Variants in TTLL9 observed in about 807,000 individuals in gnomAD.
TTLL9 encodes probable tubulin polyglutamylase TTLL9.
TTLL9 carries 47 observed loss-of-function variants against 65.6 expected under a neutral mutation model. That is an observed-to-expected ratio of 0.72 (90% CI 0.57 to 0.91). The LOEUF (loss-of-function observed/expected upper bound fraction) is 0.91. Among genes scored for constraint, TTLL9 ranks in the 40% least tolerant of loss-of-function variants. The pLI is 0.00. For synonymous variants in TTLL9, 179 were observed against 204.8 expected (o/e 0.87, Z 1.07); for missense variants, 537 against 568.8 (o/e 0.94, Z 0.57).
At chr20:31,893,048 T>C (rs894082071) in intron 3 of TTLL9, among the ~76,000 whole-genome samples, 9 of 152,214 alleles carry the variant, frequency 5.9e-5, no homozygotes, top group Non-Finnish European at 2.9e-5. Flanking sequence ...TTCCATCTGG[T>C]ATAATTTTCC....
At position 31,913,597 on chromosome 20, in the gene TTLL9, C is replaced by T. The variant is rs1469461836; in HGVS notation, c.504+3675C>T. On this transcript the variant is annotated intron_variant, in intron 6 of 14. Coordinates refer to ENST00000535842, the MANE Select transcript of TTLL9 (RefSeq NM_001008409.5). ...TCTGCATTGTTTTCCTGGTGTCTGCCGAGCCTTCATCTTCCTCATCAGTGG... is the reference window on the plus strand; with the variant it reads ...TCTGCATTGTTTTCCTGGTGTCTGCTGAGCCTTCATCTTCCTCATCAGTGG... 3.3e-5 allele frequency among the ~76,000 whole-genome samples: 5 copies of T among 152,116 alleles called. No individual in the cohort carries two copies. The East Asian group carries it at 5.8e-4, about 18-fold the overall frequency.
At chr20:31,879,997 G>C in intron 2 of TTLL9, 1 of 666,130 alleles carries the variant, frequency 1.5e-6, no homozygotes, top group East Asian at 3.3e-5. Context: ...GTTCCTCGCG[G>C]AATGGGTAGG....
At chr20:31,890,164 T>C (rs1226994320) in intron 3 of TTLL9, among the ~76,000 whole-genome samples, 1 of 120,338 alleles carries the variant, frequency 8.3e-6, no homozygotes, top group Admixed American at 9.4e-5. Context: ...CTTCTTTCTT[T>C]CTTTCTTTCT....
chr20:31,904,623 G>T (rs183543660), intron 4 of TTLL9, among the ~76,000 whole-genome samples: 6 of 152,054 alleles, frequency 3.9e-5, no homozygotes, highest in Non-Finnish European at 8.8e-5. Context: ...CTCCCAATGT[G>T]CTGGGATTAC....
rs550977346 is a variant in TTLL9 at position 31,925,131 on chromosome 20, G to T, written c.705+82G>T. 2.0e-4 allele frequency: 291 copies of T among 1,444,872 alleles called. 4 individuals are homozygous for T. The South Asian group carries it at 3.3e-3, about 16-fold the overall frequency. The allele number at this position is 1,444,872 out of a possible 1,614,324, so 89.5% of individuals were successfully genotyped here. A position where few individuals can be genotyped will look rare whatever the true frequency, so the allele number is the denominator to read the frequency against. ...GGGAGATGGGGGGAAGAGGCCTGGG[G>T]GTACCTTGTGTGAGCTTGTCTGGTT... On this transcript the variant is annotated intron_variant, in intron 9 of 14. Coordinates refer to ENST00000535842, the MANE Select transcript of TTLL9 (RefSeq NM_001008409.5).
At chr20:31,886,991 G>A (rs2063199101) in intron 2 of TTLL9, among the ~76,000 whole-genome samples, 1 of 152,218 alleles carries the variant, frequency 6.6e-6, no homozygotes, top group Non-Finnish European at 1.5e-5. Context: ...ATACTTGGGA[G>A]TTCATTCACA....
intron 14 of TTLL9, among the ~76,000 whole-genome samples, chr20:31,941,871 T>G (rs1254617045): frequency 2.0e-5 from 3 of 152,204 alleles, no homozygotes; most frequent in Non-Finnish European, 4.4e-5. Flanking sequence ...CAAGGGTAGC[T>G]GGTTAGGGTA....
intron 3 of TTLL9, among the ~76,000 whole-genome samples, chr20:31,890,094 T>C (rs1417444078): frequency 3.5e-4 from 37 of 104,568 alleles, no homozygotes; most frequent in East Asian, 1.5e-3. Context: ...CTTGCTTTCT[T>C]TCCCTCCCTT....
intron 4 of TTLL9, among the ~76,000 whole-genome samples, chr20:31,901,878 T>C (rs141838912): frequency 1.1e-3 from 165 of 152,294 alleles, no homozygotes; most frequent in African/African-American, 3.4e-3. Context: ...GTTGTTTCCT[T>C]GTTTATTGTT....
In TTLL9 at chr20:31,939,191, G is replaced by A. The variant is rs200854952; in HGVS notation, c.1168G>A (p.Asp390Asn). The change falls in exon 14 of 15, where the codon GAT (aspartate) becomes AAT (asparagine). Residue 390 changes from aspartate (D) to asparagine (N), a missense_variant. Physicochemically the swap from Asp to Asn is conservative, Grantham distance 23. Around this residue, in one of 3 missense-constraint regions of TTLL9, gnomAD observed 205 missense variants for 225.9 expected, o/e 0.91. Transcript: ENST00000535842. ...RVGGFDLMWN[D>N]GPVSREEGAP... ...CGGGGGCTTTGACCTCATGTGGAAT[G>A]ATGGCCCTGTTAGCAGAGAGGAGGG... 111 of 1,612,004 alleles carry A rather than the reference G, an allele frequency of 6.9e-5. 1 individual carries two copies. In the African/African-American group the frequency reaches 1.4e-3, roughly 20 times the overall value.
Position 31,922,986 on chromosome 20 carries a change from G to C in TTLL9, c.597G>C (p.Gln199His). ...AGGACACAAGAAGCTCTGACGACCA[G>C]AAAGATGATATTCCCGTGGAGAACT... The part of the protein sequence containing the change: ...WRKDTRSSDD[Q>H]KDDIPVENYV... Residue 199 changes from glutamine to histidine, a missense_variant, in exon 8 of 15, where the codon CAG becomes CAC. Gln to His is a conservative substitution (Grantham distance 24, BLOSUM62 0). Coordinates refer to ENST00000535842, the MANE Select transcript of TTLL9 (RefSeq NM_001008409.5). 6.2e-7 allele frequency: 1 copy of C among 1,614,022 alleles called. No individual in the cohort carries two copies. Among genetic ancestry groups the C allele is most frequent in the Non-Finnish European group, 8.5e-7 (1 of 1,179,898 alleles).
At position 31,905,603 on chromosome 20, in the gene TTLL9, C is replaced by G. The variant is rs2063543931; in HGVS notation, c.207-2988C>G. On this transcript the variant is annotated intron_variant, in intron 4 of 14. Coordinates refer to ENST00000535842, the MANE Select transcript of TTLL9 (RefSeq NM_001008409.5). ...TGTGCACGGTGTGTGCACAGATGTCCATCTCTGGACATCTCTGAGCTCAGT... is the reference window on the plus strand; with the variant it reads ...TGTGCACGGTGTGTGCACAGATGTCGATCTCTGGACATCTCTGAGCTCAGT... Among the ~76,000 whole-genome samples the G allele has an allele frequency of 3.3e-5, 5 of 152,276 alleles. No homozygotes were observed. In the South Asian group the frequency reaches 1.0e-3, roughly 32 times the overall value.
intron 6 of TTLL9, among the ~76,000 whole-genome samples, chr20:31,910,652 TACCTATC>T (rs2063632803): frequency 6.6e-6 from 1 of 152,184 alleles, no homozygotes; most frequent in Non-Finnish European, 1.5e-5. Context: ...ATTGTTATAA[TACCTATC>T]ACCTAGTGTT....
chr20:31,871,327 AC>A (rs1163431200), intron 2 of TTLL9, 132 bp downstream of exon 2: 1 of 889,696 alleles, frequency 1.1e-6, no homozygotes, highest in East Asian at 2.5e-5. Flanking sequence ...TTCACCTCTG[AC>A]CTGCTAGATG....
intron 2 of TTLL9, chr20:31,884,077 C>A: frequency 1.8e-6 from 1 of 554,516 alleles, no homozygotes; most frequent in South Asian, 2.9e-5. Flanking sequence ...CAGAACTAAT[C>A]ATTCAGCAAG....
intron 2 of TTLL9, among the ~76,000 whole-genome samples, chr20:31,873,732 A>C (rs1189794141): frequency 7.6e-6 from 1 of 131,222 alleles, no homozygotes; most frequent in Non-Finnish European, 1.7e-5. Flanking sequence ...GAAAGAAAGA[A>C]AGAAAAAGGA....
chr20:31,934,377 C>T (rs1385195521), intron 11 of TTLL9: 6 of 551,216 alleles, frequency 1.1e-5, no homozygotes, highest in Admixed American at 6.6e-5. Context: ...GGCAGCCTGT[C>T]GGTCACTCCT....
chr20:31,917,045 T>C (rs2063745727), intron 6 of TTLL9, among the ~76,000 whole-genome samples: 1 of 152,180 alleles, frequency 6.6e-6, no homozygotes, highest in Admixed American at 6.5e-5. Flanking sequence ...GGATAGGGGT[T>C]CCTAGACCAA....
At chr20:31,939,090 G>A in intron 13 of TTLL9, 52 bp from the exon 14 acceptor site, 2 of 1,512,258 alleles carry the variant, frequency 1.3e-6, no homozygotes, top group South Asian at 1.3e-5. Flanking sequence ...TTGGGTCTTA[G>A]GGCTCTGCCA....
Sources: gnomAD v4.1 joint callset for allele counts (sites outside exome capture counted in the v4.1 genomes callset) on GRCh38, gnomAD v4.1.1 for gene constraint, gnomAD v4.1.1 regional missense constraint, MANE v1.5 for transcripts, NCBI Gene and HGNC (gene_info 2026-07-23, HGNC 2026-07-21) for gene names.